The following ITGA8 variants were observed in gnomAD, a reference collection of about 807,000 sequenced individuals.
ITGA8 encodes integrin subunit alpha 8, also known as integrin alpha-8.
ITGA8 carries 91 observed loss-of-function variants against 142.3 expected under a neutral mutation model. That is an observed-to-expected ratio of 0.64 (90% CI 0.54 to 0.76). ITGA8 has a LOEUF of 0.76. Ranked by LOEUF, ITGA8 falls within the 30% of genes least tolerant of loss-of-function variation. The probability of loss-of-function intolerance (pLI) is 0.00; values close to 1 mark genes in which losing one functional copy is unlikely to be tolerated. For missense variants in ITGA8, 1,406 were observed against 1,327.7 expected, an observed-to-expected ratio of 1.06 and a Z score of -0.92; for synonymous variants, 505 against 485.2, an observed-to-expected ratio of 1.04 and a Z score of -0.54.
intron 13 of ITGA8, among the ~76,000 whole-genome samples, chr10:15,633,850 G>A (rs1238321432): frequency 6.6e-6 from 1 of 152,154 alleles, no homozygotes; most frequent in Non-Finnish European, 1.5e-5. Context: ...ATAATACAAA[G>A]GGTTGTCAAA....
intron 25 of ITGA8, among the ~76,000 whole-genome samples, chr10:15,561,804 C>A (rs117287192): frequency 1.7e-3 from 254 of 152,196 alleles, no homozygotes; most frequent in South Asian, 3.1e-3. Context: ...CATTCACACA[C>A]CCCTATAAAG....
intron 28 of ITGA8, among the ~76,000 whole-genome samples, chr10:15,526,502 G>A (rs748268334): frequency 1.3e-5 from 2 of 152,130 alleles, no homozygotes. Context: ...TACCAAGAAG[G>A]TAGACTCAGG....
At chr10:15,617,637 G>T (rs1165780164) in intron 13 of ITGA8, among the ~76,000 whole-genome samples, 1 of 152,110 alleles carries the variant, frequency 6.6e-6, no homozygotes, top group Non-Finnish European at 1.5e-5. Flanking sequence ...CTGACCTCAT[G>T]ATCCACCCGC....
chr10:15,529,516 A>C (rs1170988495), intron 28 of ITGA8, among the ~76,000 whole-genome samples: 1 of 152,186 alleles, frequency 6.6e-6, no homozygotes, highest in Non-Finnish European at 1.5e-5. Context: ...CTGTGCTAGA[A>C]GCTCTCAACC....
intron 20 of ITGA8, among the ~76,000 whole-genome samples, chr10:15,599,366 T>C (rs937764691): frequency 6.6e-6 from 1 of 152,158 alleles, no homozygotes; most frequent in Non-Finnish European, 1.5e-5. Flanking sequence ...AAATATTAAC[T>C]GTGTACCCAC....
chr10:15,676,756 C>A (rs1156888923), intron 6 of ITGA8, among the ~76,000 whole-genome samples: 1 of 152,134 alleles, frequency 6.6e-6, no homozygotes, highest in Non-Finnish European at 1.5e-5. Context: ...GGCCTGTAAT[C>A]CTAGCATTTT....
At chr10:15,688,301 C>G (rs1008894936) in intron 2 of ITGA8, among the ~76,000 whole-genome samples, 1 of 52,142 alleles carries the variant, frequency 1.9e-5, no homozygotes, top group Admixed American at 3.0e-4. Context: ...CCAAAAAATA[C>G]CAAAAAAAAA....
chr10:15,600,636 A>G (rs1355694828), intron 20 of ITGA8, among the ~76,000 whole-genome samples: 1 of 152,196 alleles, frequency 6.6e-6, no homozygotes, highest in Non-Finnish European at 1.5e-5. Flanking sequence ...CCTCAACGCA[A>G]TGGGGAGCTA....
chr10:15,589,749 T>C (rs912928763), intron 22 of ITGA8, among the ~76,000 whole-genome samples: 3 of 147,600 alleles, frequency 2.0e-5, no homozygotes, highest in Non-Finnish European at 4.4e-5. Flanking sequence ...TTACAGTGTT[T>C]TACTCAAACG....
intron 13 of ITGA8, among the ~76,000 whole-genome samples, chr10:15,630,941 A>T (rs1833674687): frequency 6.6e-6 from 1 of 151,962 alleles, no homozygotes; most frequent in Admixed American, 6.5e-5. Context: ...GCTTTTTTTC[A>T]TACGTTTGTT....
At chr10:15,541,220 C>T (rs1167462814) in intron 27 of ITGA8, among the ~76,000 whole-genome samples, 1 of 152,114 alleles carries the variant, frequency 6.6e-6, no homozygotes, top group Non-Finnish European at 1.5e-5. Flanking sequence ...AAGAATGAAC[C>T]CCTTTTTGCC....
At chr10:15,594,444 C>T (rs747176571) in intron 21 of ITGA8, among the ~76,000 whole-genome samples, 5 of 151,868 alleles carry the variant, frequency 3.3e-5, no homozygotes, top group African/African-American at 1.2e-4. Context: ...TTTATATTGC[C>T]GACTCTAGCT....
chr10:15,641,271 A>C (rs1016296381), intron 13 of ITGA8, among the ~76,000 whole-genome samples: 3 of 152,152 alleles, frequency 2.0e-5, no homozygotes, highest in African/African-American at 7.2e-5. Flanking sequence ...AAATCTAAAC[A>C]TAGAAGTGAT....
At chr10:15,608,340 G>A in intron 15 of ITGA8, 50 bp from the exon 16 acceptor site, 2 of 1,181,122 alleles carry the variant, frequency 1.7e-6, no homozygotes, top group Non-Finnish European at 2.4e-6. Flanking sequence ...TGAATCTAAA[G>A]TAGAAGCCTT....
chr10:15,714,894 A>G (rs1835423031), intron 2 of ITGA8, among the ~76,000 whole-genome samples: 1 of 152,160 alleles, frequency 6.6e-6, no homozygotes, highest in African/African-American at 2.4e-5. Context: ...ACAAGTTGAA[A>G]CAACTTCATT....
intron 3 of ITGA8, among the ~76,000 whole-genome samples, chr10:15,686,053 G>C (rs1246565766): frequency 6.6e-6 from 1 of 152,152 alleles, no homozygotes; most frequent in East Asian, 1.9e-4. Flanking sequence ...TCTAAAGACA[G>C]AATCGTAGAA....
chr10:15,538,919 C>T (rs1472550342), intron 27 of ITGA8, among the ~76,000 whole-genome samples: 1 of 148,498 alleles, frequency 6.7e-6, no homozygotes, highest in South Asian at 2.2e-4. Context: ...TATGAAAGAC[C>T]CTTCAAGAAA....
chr10:15,526,999 A>G (rs950508655), intron 28 of ITGA8, among the ~76,000 whole-genome samples: 10 of 152,172 alleles, frequency 6.6e-5, no homozygotes, highest in African/African-American at 1.7e-4. Context: ...GCTCCCTTGT[A>G]TTTGCAATGG....
At chr10:15,680,643 A>C (rs1343038162) in intron 4 of ITGA8, among the ~76,000 whole-genome samples, 1 of 152,102 alleles carries the variant, frequency 6.6e-6, no homozygotes, top group Non-Finnish European at 1.5e-5. Context: ...CCTTTTAAAA[A>C]TCCCTTTTAA....
Sources: allele counts gnomAD v4.1 joint callset (sites outside exome capture counted in the v4.1 genomes callset), GRCh38; gene constraint gnomAD v4.1.1; transcripts MANE v1.5; gene names NCBI Gene and HGNC (gene_info 2026-07-23, HGNC 2026-07-21).